The following ACOX2 variants were observed in gnomAD, a reference collection of about 807,000 sequenced individuals.
ACOX2 encodes the protein peroxisomal acyl-coenzyme A oxidase 2.
Under a neutral mutation model 77.5 loss-of-function variants are expected in ACOX2, and 59 were observed. The ratio of observed to expected loss-of-function variants is 0.76; its 90% CI spans 0.62 to 0.95. The LOEUF (loss-of-function observed/expected upper bound fraction) is 0.95, where lower values mean the gene tolerates loss of function less well. ACOX2 is among the 40% of genes least tolerant of loss of function. ACOX2 has a pLI of 0.00. For synonymous variants in ACOX2, 317 were observed against 340.1 expected, an observed-to-expected ratio of 0.93 and a Z score of 0.75; for missense variants, 837 against 880.4, an observed-to-expected ratio of 0.95 and a Z score of 0.62.
Position 58,523,293 on chromosome 3 carries a change from C to T in ACOX2, c.1527-692G>A, listed in dbSNP as rs924570141. 3.3e-5 allele frequency among the ~76,000 whole-genome samples: 5 copies of T among 152,152 alleles called. No homozygotes were observed. The highest frequency in any genetic ancestry group is 7.4e-5 in the Non-Finnish European group (5 of 68,026). On this transcript the variant is annotated intron_variant, in intron 11 of 14. Transcript: ENST00000302819. This position sits in a 1 kb window ranked among gnomAD's most constrained non-coding sequence, Gnocchi z 5.3. ...CTGAGTTTCAAGCAAGGAGAAATACCATGACACTTTAATCACCTCGAGCAG... is the reference window on the plus strand; with the variant it reads ...CTGAGTTTCAAGCAAGGAGAAATACTATGACACTTTAATCACCTCGAGCAG...
chr3:58,534,704 G>A lies in ACOX2; in HGVS notation c.161-182C>T. On this transcript the variant is annotated intron_variant, in intron 2 of 14. Coordinates refer to ENST00000302819, the MANE Select transcript of ACOX2 (RefSeq NM_003500.4). The surrounding 1 kb of genome is among the most constrained non-coding windows in gnomAD (Gnocchi z 4.8). Reference sequence around the variant, plus strand: ...TTGCCCAAGGTTACAAAGCTATGCAGTGGCAGAATTTTAGGACCAGAATCC... The same window carrying A: ...TTGCCCAAGGTTACAAAGCTATGCAATGGCAGAATTTTAGGACCAGAATCC... 1.4e-6 allele frequency: 2 copies of A among 1,453,716 alleles called. No individual in the cohort carries two copies. Among genetic ancestry groups the A allele is most frequent in the Non-Finnish European group, 1.9e-6 (2 of 1,068,640 alleles). 90.1% of individuals were successfully genotyped at this position (1,453,716 alleles called of 1,614,324 possible).
chr3:58,517,265 C>T lies in ACOX2; in HGVS notation c.1791G>A (p.Leu597=), dbSNP rs1422176927. ...NSGDFLHDAF[L]SGAQVDMART... is the part of the protein sequence containing the mutation. ...TTGCCATGTCCACTTGGGCACCAGACAGGAAGGCGTCATGGAGAAAGTCAC... is the reference window on the plus strand; with the variant it reads ...TTGCCATGTCCACTTGGGCACCAGATAGGAAGGCGTCATGGAGAAAGTCAC... The change falls in exon 13 of 15, where the codon CTG becomes CTA. Residue 597 remains leucine, a synonymous_variant. Coordinates refer to ENST00000302819, the MANE Select transcript of ACOX2 (RefSeq NM_003500.4). 1.2e-6 allele frequency: 2 copies of T among 1,614,178 alleles called. No individual in the cohort carries two copies. The highest frequency in any genetic ancestry group is 1.7e-6 in the Non-Finnish European group (2 of 1,180,040).
chr3:58,531,402 G>A lies in ACOX2; in HGVS notation c.704-36C>T, dbSNP rs1425828276. ...ATGGAGATGAGGACACCTATCAGTT[G>A]AGAGAGTGCTTGCTATGTGGCAGGT... On this transcript the variant is annotated intron_variant, in intron 6 of 14. Transcript: ENST00000302819. This position sits in a 1 kb window ranked among gnomAD's most constrained non-coding sequence, Gnocchi z 5.8. 6.4e-7 allele frequency: 1 copy of A among 1,573,212 alleles called. No homozygotes were observed. The highest frequency in any genetic ancestry group is 8.7e-7 in the Non-Finnish European group (1 of 1,144,260).
In ACOX2 at chr3:58,521,072, G is replaced by T. The variant is rs76824901; in HGVS notation, c.1632+1424C>A. 0.015 allele frequency among the ~76,000 whole-genome samples: 2,247 copies of T among 152,330 alleles called. 28 individuals carry two copies. Among genetic ancestry groups the T allele is most frequent in the Non-Finnish European group, 0.018 (1,195 of 68,030 alleles). ...TTTGGAAAATGAATGAGTGGATAAT[G>T]GGTGGCTGTGGTTTCTGTTTTGGTG... On this transcript the variant is annotated intron_variant, in intron 12 of 14. Coordinates refer to ENST00000302819, the MANE Select transcript of ACOX2 (RefSeq NM_003500.4). The surrounding 1 kb of genome is among the most constrained non-coding windows in gnomAD (Gnocchi z 4.8).
chr3:58,534,510 T>G lies in ACOX2; in HGVS notation c.173A>C (p.His58Pro). 6.2e-7 allele frequency: 1 copy of G among 1,614,104 alleles called. No homozygotes were observed. Among genetic ancestry groups the G allele is most frequent in the Non-Finnish European group, 8.5e-7 (1 of 1,180,016 alleles). ...ALRRKVESII[H>P]SYPEFSCKDN... ...CTTACAGCTAAACTCCGGGTAACTGTGGATGATGCTCTCTGCAGAGGACAG... is the reference window on the plus strand; with the variant it reads ...CTTACAGCTAAACTCCGGGTAACTGGGGATGATGCTCTCTGCAGAGGACAG... Residue 58 changes from histidine (H) to proline (P), a missense_variant, in exon 3 of 15, where the codon CAC (histidine) becomes CCC (proline). By Grantham distance (77) the His-to-Pro change is moderately conservative (BLOSUM62 -2). Transcript: ENST00000302819. The surrounding 1 kb of genome is among the most constrained non-coding windows in gnomAD (Gnocchi z 4.8).
rs1479432823 is a variant in ACOX2, at chr3:58,509,029, G to A, written c.1851-4C>T. ...AGTTAACAGGATGGCATCCTTCCTG[G>A]GATAGGAAACAAGAGTTTGTAAGTA... On this transcript the variant is annotated splice_region_variant and splice_polypyrimidine_tract_variant and intron_variant, in intron 13 of 14. Transcript: ENST00000302819. 5.0e-6 allele frequency: 8 copies of A among 1,613,768 alleles called. No individual in the cohort carries two copies. Among genetic ancestry groups the A allele is most frequent in the Non-Finnish European group, 6.8e-6 (8 of 1,179,856 alleles).
chr3:58,533,684 C>T lies in ACOX2; in HGVS notation c.476-132G>A. On this transcript the variant is annotated intron_variant, in intron 4 of 14. Coordinates refer to ENST00000302819, the MANE Select transcript of ACOX2 (RefSeq NM_003500.4). The surrounding 1 kb of genome is among the most constrained non-coding windows in gnomAD (Gnocchi z 5.6). ...GGGGCCCAGCTCCCAGCTGTACTTG[C>T]AGGCAGTTCTCCCCTTTCATCTGTG... 1 of 796,674 alleles carries T rather than the reference C, an allele frequency of 1.3e-6. No homozygotes were observed. The highest frequency in any genetic ancestry group is 2.1e-6 in the Non-Finnish European group (1 of 487,292). The allele number at this position is 796,674 out of a possible 1,614,324, so 49.4% of individuals were successfully genotyped here. A position where few individuals can be genotyped will look rare whatever the true frequency, so the allele number is the denominator to read the frequency against.
In ACOX2 at chr3:58,522,718, C is replaced by T. The variant is rs546899758; in HGVS notation, c.1527-117G>A. Reference sequence around the variant, plus strand: ...GCCTGTTTATTGACCACTTATGTGCCATAAAGCTAAATGATTGATATTTAT... The same window carrying T: ...GCCTGTTTATTGACCACTTATGTGCTATAAAGCTAAATGATTGATATTTAT... On this transcript the variant is annotated intron_variant, in intron 11 of 14. Coordinates refer to ENST00000302819, the MANE Select transcript of ACOX2 (RefSeq NM_003500.4). This position sits in a 1 kb window ranked among gnomAD's most constrained non-coding sequence, Gnocchi z 4.3. 418 of 859,758 alleles carry T rather than the reference C, an allele frequency of 4.9e-4. 1 individual carries two copies. Among genetic ancestry groups the T allele is most frequent in the Non-Finnish European group, 7.0e-4 (371 of 526,868 alleles). 53.3% of individuals were successfully genotyped at this position (859,758 alleles called of 1,614,324 possible). A position where few individuals can be genotyped will look rare whatever the true frequency, so the allele number is the denominator to read the frequency against.
In ACOX2 at chr3:58,534,440, C is replaced by T. The variant is rs2063465541; in HGVS notation, c.243G>A (p.Met81Ile). The T allele has an allele frequency of 1.9e-6, 3 of 1,614,196 alleles. No individual in the cohort carries two copies. Among genetic ancestry groups the T allele is most frequent in the Middle Eastern group, 1.6e-4 (1 of 6,062 alleles). The change falls in exon 3 of 15, where the codon ATG (methionine) becomes ATA (isoleucine). Residue 81 changes from methionine to isoleucine, a missense_variant. Physicochemically the swap from Met to Ile is conservative, Grantham distance 10. Coordinates refer to ENST00000302819, the MANE Select transcript of ACOX2 (RefSeq NM_003500.4). The surrounding 1 kb of genome is among the most constrained non-coding windows in gnomAD (Gnocchi z 4.8). ...TCAACCGGATGTGGAATGCCCTCCG[C>T]ATGGCAGCCTTATAACGCTCATTCT... is the stretch of plus-strand genomic sequence containing the variant. The part of the protein sequence containing the change: ...MTQNERYKAA[M>I]RRAFHIRLIA...
At position 58,530,479 on chromosome 3, in the gene ACOX2, G is replaced by A. The variant is rs138459863; in HGVS notation, c.979C>T (p.Arg327Trp). ...GGCACCCCTTGCCTGGGCCGGAGCC[G>A]GGATTGGCGGCGGATGACCGAGTAG... ...MRYSVIRRQS[R>W]LRPSDPEAKV... Residue 327 changes from arginine to tryptophan, a missense_variant, in exon 8 of 15, where the codon CGG (arginine) becomes TGG (tryptophan). Arg to Trp is a moderately radical substitution (Grantham distance 101). Coordinates refer to ENST00000302819, the MANE Select transcript of ACOX2 (RefSeq NM_003500.4). 7 of 1,614,062 alleles carry A rather than the reference G, an allele frequency of 4.3e-6. No individual in the cohort carries two copies. The African/African-American group carries it at 5.3e-5, about 12-fold the overall frequency.
rs561507883 is a variant in ACOX2 at position 58,533,917 on chromosome 3, A to G, written c.475+77T>C. The stretch of plus-strand genomic sequence containing the variant: ...GTCCCTCGGAGCATATGAACCTATG[A>G]CTACCTAGATGTAAATGGGCCCTCT... On this transcript the variant is annotated intron_variant, in intron 4 of 14. Transcript: ENST00000302819. The surrounding 1 kb of genome is among the most constrained non-coding windows in gnomAD (Gnocchi z 5.6). 154 of 1,544,894 alleles carry G rather than the reference A, an allele frequency of 1.0e-4. 2 individuals carry two copies. The South Asian group carries it at 1.7e-3, about 17-fold the overall frequency.
intron 7 of ACOX2, 43 bp from the exon 8 acceptor site, chr3:58,530,681 CCCA>C (rs750979215): frequency 2.1e-5 from 34 of 1,583,322 alleles, no homozygotes; most frequent in Middle Eastern, 1.7e-4. Context: ...GCCAAGGCTT[CCCA>C]GGATGCCCTC....
Position 58,534,752 on chromosome 3 carries a change from C to A in ACOX2, c.160+195G>T. 2.3e-6 allele frequency: 3 copies of A among 1,317,180 alleles called. No individual in the cohort carries two copies. The highest frequency in any genetic ancestry group is 3.2e-6 in the Non-Finnish European group (3 of 939,978). 81.6% of individuals were successfully genotyped at this position (1,317,180 alleles called of 1,614,324 possible). A position where few individuals can be genotyped will look rare whatever the true frequency, so the allele number is the denominator to read the frequency against. On this transcript the variant is annotated intron_variant, in intron 2 of 14. Coordinates refer to ENST00000302819, the MANE Select transcript of ACOX2 (RefSeq NM_003500.4). The surrounding 1 kb of genome is among the most constrained non-coding windows in gnomAD (Gnocchi z 4.8). Reference sequence around the variant, plus strand: ...TCCAGGTCTTCTGCTGCCTAGGACTCTTCTATCCCCTAGGTGGGCTCAGGC... The same window carrying A: ...TCCAGGTCTTCTGCTGCCTAGGACTATTCTATCCCCTAGGTGGGCTCAGGC...
chr3:58,509,195 T>C (rs902350882), intron 13 of ACOX2, among the ~76,000 whole-genome samples, 170 bp from the exon 14 acceptor site: 6 of 151,970 alleles, frequency 3.9e-5, no homozygotes, highest in African/African-American at 1.4e-4. Context: ...ATGTGCATAG[T>C]ATAATGAGTC....
In ACOX2 at chr3:58,522,538, C is replaced by T. The variant is rs1369719286; in HGVS notation, c.1590G>A (p.Glu530=). Residue 530 remains glutamate (E), a synonymous_variant, in exon 12 of 15, where the codon GAG becomes GAA. Transcript: ENST00000302819. This position sits in a 1 kb window ranked among gnomAD's most constrained non-coding sequence, Gnocchi z 4.3. ...TLTQSGADQH[E]AWNQTTVIHL... is the part of the protein sequence containing the mutation. ...GTATGACAGTGGTCTGGTTCCAAGC[C>T]TCGTGCTGGTCAGCTCCGGATTGCG... 2 of 1,614,088 alleles carry T rather than the reference C, an allele frequency of 1.2e-6. No individual in the cohort carries two copies. The highest frequency in any genetic ancestry group is 2.7e-5 in the African/African-American group (2 of 74,928).
intron 13 of ACOX2, 51 bp downstream of exon 13, chr3:58,517,155 G>A (rs2063326577): frequency 6.3e-7 from 1 of 1,590,870 alleles, no homozygotes; most frequent in Admixed American, 1.7e-5. Flanking sequence ...GTGAACAAGG[G>A]GTAGGGTTAT....
At chr3:58,517,618 G>A (rs567371140) in intron 12 of ACOX2, among the ~76,000 whole-genome samples, 195 bp from the exon 13 acceptor site, 2 of 149,280 alleles carry the variant, frequency 1.3e-5, no homozygotes, top group African/African-American at 2.5e-5. Context: ...TGTGTTGGGG[G>A]GGGGAGCGGG....
At chr3:58,529,383 T>C (rs2063420404) in intron 8 of ACOX2, among the ~76,000 whole-genome samples, 1 of 152,088 alleles carries the variant, frequency 6.6e-6, no homozygotes, top group African/African-American at 2.4e-5. Context: ...AAACAATAAC[T>C]CTTAGGATGT....
rs1330173020 is a variant in ACOX2, at chr3:58,519,047, T to C, written c.1633-1624A>G. ...GCATTTCTAACAAGGTCCCCTGTGA[T>C]GCCCATGCTGCTGTAGTGATTTTCA... On this transcript the variant is annotated intron_variant, in intron 12 of 14. Transcript: ENST00000302819. This position sits in a 1 kb window ranked among gnomAD's most constrained non-coding sequence, Gnocchi z 5.0. 1.3e-5 allele frequency among the ~76,000 whole-genome samples: 2 copies of C among 152,166 alleles called. No individual in the cohort carries two copies. The highest frequency in any genetic ancestry group is 2.9e-5 in the Non-Finnish European group (2 of 68,020).
Sources: allele counts gnomAD v4.1 joint callset (sites outside exome capture counted in the v4.1 genomes callset), GRCh38; gene constraint gnomAD v4.1.1; non-coding constraint Gnocchi (gnomAD v3.1); transcripts MANE v1.5; gene names NCBI Gene and HGNC (gene_info 2026-07-23, HGNC 2026-07-21).